Variants in SYNE2 observed in about 807,000 individuals in gnomAD.
The protein encoded by SYNE2 is spectrin repeat containing nuclear envelope protein 2, also known as nesprin-2.
A neutral mutation model predicts 856.3 loss-of-function variants in SYNE2; 431 were observed. The observed-to-expected ratio is 0.50, with a 90% CI of 0.47 to 0.55. The LOEUF (loss-of-function observed/expected upper bound fraction) is 0.55. SYNE2 is among the 20% of genes least tolerant of loss of function. SYNE2 has a pLI of 0.00. For missense variants in SYNE2, 8,129 were observed against 8,023.2 expected, an observed-to-expected ratio of 1.01 and a Z score of -0.50; for synonymous variants, 2,923 against 2,872.3, an observed-to-expected ratio of 1.02 and a Z score of -0.56.
chr14:63,856,371 C>T (rs1891729675), intron 1 of SYNE2, among the ~76,000 whole-genome samples: 1 of 152,132 alleles, frequency 6.6e-6, no homozygotes, highest in African/African-American at 2.4e-5. Context: ...CTCTAACGAA[C>T]CTGTATCTGA....
chr14:63,834,825 G>A (rs1202122029), intron 1 of SYNE2, among the ~76,000 whole-genome samples: 4 of 150,416 alleles, frequency 2.7e-5, no homozygotes, highest in Admixed American at 6.7e-5. Context: ...ATTTTTAGTA[G>A]AGACAGAGTT....
At chr14:63,910,466 C>T (rs2095459706) in intron 2 of SYNE2, among the ~76,000 whole-genome samples, 1 of 151,992 alleles carries the variant, frequency 6.6e-6, no homozygotes, top group South Asian at 2.1e-4. Context: ...AGAGGTTATA[C>T]TTGAGGTAAG....
chr14:64,013,651 T>C (rs1025301978), intron 32 of SYNE2, among the ~76,000 whole-genome samples: 2 of 152,230 alleles, frequency 1.3e-5, no homozygotes, highest in African/African-American at 4.8e-5. Context: ...ACATTTATTG[T>C]GTTCCAGTGC....
In SYNE2 at chr14:64,052,768, C is replaced by T. The variant is rs1260433940; in HGVS notation, c.8855C>T (p.Thr2952Ile). The change falls in exon 48 of 116, where the codon ACA becomes ATA. Residue 2952 changes from threonine (T) to isoleucine (I), a missense_variant. This residue lies in a region of SYNE2 where 5,410 missense variants were observed against 5,284.8 expected (regional missense o/e 1.02). Coordinates refer to ENST00000555002, the MANE Select transcript of SYNE2 (RefSeq NM_182914.3). ...TTTTGCAGACAATTCCATGAAAAAA[C>T]ATCAGCGCTTCAGGAGGAGGCTGAC... is the stretch of plus-strand genomic sequence containing the variant. ...IKFCRQFHEK[T>I]SALQEEADSI... 1 of 1,612,388 alleles carries T rather than the reference C, an allele frequency of 6.2e-7. No homozygotes were observed. The highest frequency in any genetic ancestry group is 8.5e-7 in the Non-Finnish European group (1 of 1,179,260).
At chr14:64,188,451 T>C (rs2139566381) in intron 97 of SYNE2, 99 bp from the exon 98 acceptor site, 1 of 1,352,012 alleles carries the variant, frequency 7.4e-7, no homozygotes, top group African/African-American at 1.4e-5. Context: ...TGCGGAGAGC[T>C]ACTGATTAAA....
In SYNE2 at chr14:64,098,662, G is replaced by A. The variant is rs1274234051; in HGVS notation, c.12307-85G>A. ...CTTGGATAAAGTAAGTAAAAAATTA[G>A]CTACATAAAAATGCAGCTGGACTGG... On this transcript the variant is annotated intron_variant, in intron 62 of 115. Transcript: ENST00000555002. 2.8e-6 allele frequency: 4 copies of A among 1,411,676 alleles called. No homozygotes were observed. The Admixed American group carries it at 7.5e-5, about 26-fold the overall frequency. 87.4% of individuals were successfully genotyped at this position (1,411,676 alleles called of 1,614,324 possible).
At chr14:63,812,322 A>G (rs770819879) in intron 1 of SYNE2, among the ~76,000 whole-genome samples, 1 of 152,174 alleles carries the variant, frequency 6.6e-6, no homozygotes, top group African/African-American at 2.4e-5. Context: ...ATATGGCTCT[A>G]TTCTGCCCAA....
At position 63,948,672 on chromosome 14, in the gene SYNE2, A is replaced by C. The variant is rs527817160; in HGVS notation, c.409-1153A>C. ...CGAGACTCCATCTCAAAAAAAAAAA[A>C]ATTATATATATATGTGTGTATATAT... is the stretch of plus-strand genomic sequence containing the variant. On this transcript the variant is annotated intron_variant, in intron 6 of 115. Coordinates refer to ENST00000555002, the MANE Select transcript of SYNE2 (RefSeq NM_182914.3). 1.0e-3 allele frequency among the ~76,000 whole-genome samples: 145 copies of C among 144,536 alleles called. 6 individuals carry two copies. In the South Asian group the frequency reaches 0.014, roughly 14 times the overall value. 94.8% of individuals were successfully genotyped at this position (144,536 alleles called of 152,430 possible).
At chr14:64,190,367 A>G (rs2098512455) in intron 99 of SYNE2, 130 bp downstream of exon 99, 6 of 1,195,266 alleles carry the variant, frequency 5.0e-6, no homozygotes, top group African/African-American at 3.1e-5. Flanking sequence ...GCAAAGTTTG[A>G]TAAAAATGAG....
At chr14:63,999,578 A>G (rs922444104) in intron 27 of SYNE2, among the ~76,000 whole-genome samples, 1 of 152,258 alleles carries the variant, frequency 6.6e-6, no homozygotes, top group African/African-American at 2.4e-5. Context: ...AAAAGCCTTC[A>G]GTGGAAGTTA....
intron 1 of SYNE2, among the ~76,000 whole-genome samples, chr14:63,863,881 G>C (rs1894465594): frequency 1.3e-5 from 2 of 152,104 alleles, no homozygotes; most frequent in Non-Finnish European, 2.9e-5. Context: ...CTGGAGTGCA[G>C]TGGTGTGATC....
intron 1 of SYNE2, among the ~76,000 whole-genome samples, chr14:63,824,213 T>C (rs12879374): frequency 0.053 from 8,122 of 152,022 alleles, 290 homozygotes; most frequent in Admixed American, 0.097. Context: ...GTAGTGTGCA[T>C]CTGTAGTCCC....
chr14:63,858,299 T>C (rs1892469638), intron 1 of SYNE2, among the ~76,000 whole-genome samples: 1 of 141,856 alleles, frequency 7.0e-6, no homozygotes, highest in Non-Finnish European at 1.5e-5. Context: ...TTTTTTGATT[T>C]TTAGTAGAGA....
At chr14:63,921,260 T>A (rs1227849640) in intron 2 of SYNE2, among the ~76,000 whole-genome samples, 2 of 150,896 alleles carry the variant, frequency 1.3e-5, no homozygotes, top group Non-Finnish European at 2.9e-5. Flanking sequence ...GTTCTGGAAA[T>A]GTTGAGTTCG....
chr14:63,894,401 T>C (rs1251733202), intron 1 of SYNE2, among the ~76,000 whole-genome samples: 1 of 152,116 alleles, frequency 6.6e-6, no homozygotes, highest in Non-Finnish European at 1.5e-5. Context: ...CAATTTTTTT[T>C]TCTAGAAATG....
At position 64,134,072 on chromosome 14, in the gene SYNE2, T is replaced by C. The variant is rs148323208; in HGVS notation, c.14518T>C (p.Trp4840Arg). Residue 4840 changes from tryptophan (W) to arginine (R), a missense_variant, in exon 78 of 116, where the codon TGG becomes CGG. Transcript: ENST00000555002. ...TTTTATGTCCTTGATTCTCTAGAAA[T>C]GGGAAGAATTTGATGAAAACTATGC... Reference protein sequence around the residue: ...GMKLQSLLQKWEEFDENYASL... With the variant: ...GMKLQSLLQKREEFDENYASL... 4.9e-5 allele frequency: 79 copies of C among 1,614,030 alleles called. No individual in the cohort carries two copies. In the Middle Eastern group the frequency reaches 5.0e-4, roughly 10 times the overall value.
Position 64,053,013 on chromosome 14 carries a change from A to G in SYNE2, c.9100A>G (p.Lys3034Glu), listed in dbSNP as rs771597223. 1 of 1,612,006 alleles carries G rather than the reference A, an allele frequency of 6.2e-7. No homozygotes were observed. The highest frequency in any genetic ancestry group is 8.5e-7 in the Non-Finnish European group (1 of 1,179,642). ...TGAAAAAGAAAAGGAACTTGAAGAA[A>G]AAATTAAGCAGTTGGACACATTTGA... Reference protein sequence around the residue: ...VFEKEKELEEKIKQLDTFEEE... With the variant: ...VFEKEKELEEEIKQLDTFEEE... The change falls in exon 48 of 116, where the codon AAA becomes GAA. Residue 3034 changes from lysine to glutamate, a missense_variant. Physicochemically the swap from Lys to Glu is moderately conservative, Grantham distance 56. This residue lies in a region of SYNE2 where 5,410 missense variants were observed against 5,284.8 expected (regional missense o/e 1.02). Coordinates refer to ENST00000555002, the MANE Select transcript of SYNE2 (RefSeq NM_182914.3).
chr14:63,975,839 G>C (rs1287288681), intron 11 of SYNE2, among the ~76,000 whole-genome samples: 1 of 152,180 alleles, frequency 6.6e-6, no homozygotes, highest in African/African-American at 2.4e-5. Context: ...CCAGCTCTTA[G>C]CACAATAGGT....
chr14:64,080,430 A>G, intron 55 of SYNE2, 26 bp from the exon 56 acceptor site: 1 of 1,613,342 alleles, frequency 6.2e-7, no homozygotes, highest in East Asian at 2.2e-5. Flanking sequence ...TCTTCATTCA[A>G]GTTGACTTAC....
Sources: allele counts gnomAD v4.1 joint callset (sites outside exome capture counted in the v4.1 genomes callset), GRCh38; gene constraint gnomAD v4.1.1; regional missense constraint gnomAD v4.1.1; transcripts MANE v1.5; gene names NCBI Gene and HGNC (gene_info 2026-07-23, HGNC 2026-07-21).